Variants in NEXMIF observed in about 807,000 individuals in gnomAD.
NEXMIF encodes the protein XLMR protein related to neurite extension.
NEXMIF carries 8 observed loss-of-function variants against 62.1 expected under a neutral mutation model. That is an observed-to-expected ratio of 0.13 (90% CI 0.08 to 0.23). The LOEUF is 0.23. Ranked by LOEUF, NEXMIF falls within the 10% of genes least tolerant of loss-of-function variation. NEXMIF has a pLI of 1.00. For missense variants in NEXMIF, 976 were observed against 1,113.3 expected, an observed-to-expected ratio of 0.88 and a Z score of 1.75; for synonymous variants, 404 against 416.6, an observed-to-expected ratio of 0.97 and a Z score of 0.37.
chrX:74,885,064 T>C (rs1349597176), intron 1 of NEXMIF, among the ~76,000 whole-genome samples: 37 of 109,786 alleles, frequency 3.4e-4, no homozygotes, highest in African/African-American at 1.1e-3. Flanking sequence ...CATAATGAAA[T>C]GAAGGCAGAA....
At chrX:74,848,078 C>T (rs1361766736) in intron 1 of NEXMIF, among the ~76,000 whole-genome samples, 1 of 111,326 alleles carries the variant, frequency 9.0e-6, no homozygotes, top group Non-Finnish European at 1.9e-5. Context: ...TCTGTATTCC[C>T]ATAGACAAAA....
chrX:74,826,534 C>T (rs1456839930), intron 1 of NEXMIF, among the ~76,000 whole-genome samples: 1 of 111,807 alleles, frequency 8.9e-6, no homozygotes, highest in Non-Finnish European at 1.9e-5. Context: ...GAATGTATGG[C>T]TTACACATAT....
chrX:74,743,381 G>A lies in NEXMIF; in HGVS notation c.1176C>T (p.Asp392=). 1 of 1,211,058 alleles carries A rather than the reference G, an allele frequency of 8.3e-7. No homozygotes were observed. The highest frequency in any genetic ancestry group is 1.1e-6 in the Non-Finnish European group (1 of 895,361). ...TTCCATCTTTCTTCTCTACACCTTT[G>A]TCTTCCTGTCCTTCCTCTTTGCCTT... ...KKKGKEEGQE[D]KGVEKKDGKD... Residue 392 remains aspartate, a synonymous_variant, in exon 3 of 4, where the codon GAC becomes GAT. Coordinates refer to ENST00000055682, the MANE Select transcript of NEXMIF (RefSeq NM_001008537.3).
chrX:74,878,510 T>C (rs868548240), intron 1 of NEXMIF, among the ~76,000 whole-genome samples: 1 of 112,480 alleles, frequency 8.9e-6, no homozygotes, highest in Non-Finnish European at 1.9e-5. Context: ...GCTGTGGTGG[T>C]CTCCACCCAG....
intron 1 of NEXMIF, among the ~76,000 whole-genome samples, chrX:74,800,377 T>G (rs1173737685): frequency 8.9e-6 from 1 of 111,867 alleles, no homozygotes; most frequent in Non-Finnish European, 1.9e-5. Context: ...CTACTAGCTT[T>G]TTTTTTTATA....
intron 1 of NEXMIF, among the ~76,000 whole-genome samples, chrX:74,876,661 G>A (rs2080635635): frequency 2.0e-5 from 2 of 101,532 alleles, no homozygotes; most frequent in Non-Finnish European, 4.0e-5. Context: ...CTTGCTTTAT[G>A]AATCTGGGTG....
chrX:74,854,183 T>C (rs371113503), intron 1 of NEXMIF, among the ~76,000 whole-genome samples: 1 of 111,759 alleles, frequency 8.9e-6, no homozygotes, highest in East Asian at 2.8e-4. Flanking sequence ...CTTAACTACA[T>C]ACTAGCAAAT....
chrX:74,894,149 T>A (rs1273283414), intron 1 of NEXMIF, among the ~76,000 whole-genome samples: 4 of 106,817 alleles, frequency 3.7e-5, no homozygotes, highest in Non-Finnish European at 7.7e-5. Context: ...AAAAAAAAAA[T>A]ATATCTGGGC....
chrX:74,883,933 C>A (rs1167963468), intron 1 of NEXMIF, among the ~76,000 whole-genome samples: 1 of 112,456 alleles, frequency 8.9e-6, no homozygotes, highest in Non-Finnish European at 1.9e-5. Context: ...GCCCATCAGA[C>A]TAACAGCGGA....
In NEXMIF at chrX:74,835,340, T is replaced by C. The variant is rs1332232160; in HGVS notation, c.-48+89543A>G. ...TAGTTCGTTTGATGAGCTCATGTTT[T>C]CCTGGATGATCTTGCTGCTTGTAGA... On this transcript the variant is annotated intron_variant, in intron 1 of 3. Coordinates refer to ENST00000055682, the MANE Select transcript of NEXMIF (RefSeq NM_001008537.3). Among the ~76,000 whole-genome samples, 5 of 111,631 alleles carry C rather than the reference T, an allele frequency of 4.5e-5. No homozygotes were observed. In the East Asian group the frequency reaches 1.1e-3, roughly 25 times the overall value.
At position 74,738,839 on chromosome X, in the gene NEXMIF, T is replaced by TAA. The variant is rs1403861113; in HGVS notation, c.*565_*566insTT. On this transcript the variant is annotated 3_prime_UTR_variant, in exon 4 of 4. Transcript: ENST00000055682. ...TTAAAAGAACGTGTGTGTGTGTATA[T>TAA]ATATATATACATATATATACACACA... The TAA allele has an allele frequency of 3.7e-5, 4 of 108,070 alleles. No homozygotes were observed. The highest frequency in any genetic ancestry group is 1.4e-4 in the African/African-American group (4 of 29,395). The allele number at this position is 108,070 out of a possible 1,213,427, so 8.9% of individuals were successfully genotyped here. A position where few individuals can be genotyped will look rare whatever the true frequency, so the allele number is the denominator to read the frequency against.
intron 1 of NEXMIF, among the ~76,000 whole-genome samples, chrX:74,832,660 G>A (rs1277758519): frequency 7.2e-5 from 8 of 111,172 alleles, no homozygotes; most frequent in Non-Finnish European, 1.5e-4. Context: ...TTCTAATTCT[G>A]GGTTTGGTTT....
At position 74,737,648 on chromosome X, in the gene NEXMIF, T is replaced by C. The variant is rs1458096296; in HGVS notation, c.*1757A>G. ...ATGGACCGGGAAGTGTATATACTTA[T>C]ATACATGACAGGCTTCCTTCCATTT... On this transcript the variant is annotated 3_prime_UTR_variant, in exon 4 of 4. Coordinates refer to ENST00000055682, the MANE Select transcript of NEXMIF (RefSeq NM_001008537.3). 2.7e-5 allele frequency: 3 copies of C among 111,784 alleles called. No homozygotes were observed. Among genetic ancestry groups the C allele is most frequent in the South Asian group, 3.8e-4 (1 of 2,610 alleles). The allele number at this position is 111,784 out of a possible 1,213,427, so 9.2% of individuals were successfully genotyped here.
rs759562165 is a variant in NEXMIF, at chrX:74,741,866, G to A, written c.2691C>T (p.Thr897=). 8.3e-7 allele frequency: 1 copy of A among 1,211,678 alleles called. No homozygotes were observed. Among genetic ancestry groups the A allele is most frequent in the Non-Finnish European group, 1.1e-6 (1 of 895,344 alleles). Residue 897 remains threonine (T), a synonymous_variant, in exon 3 of 4, where the codon ACC becomes ACT. Transcript: ENST00000055682. ...TTGAGACTTCAGCCATGAATTCCTG[G>A]GTGCCAGAAGTAGCCTTGTTGGGCC... is the stretch of plus-strand genomic sequence containing the variant. ...NVWPNKATSG[T]QEFMAEVSRE...
intron 1 of NEXMIF, among the ~76,000 whole-genome samples, chrX:74,803,812 A>T (rs762779026): frequency 1.1e-4 from 12 of 110,689 alleles, no homozygotes; most frequent in Non-Finnish European, 1.9e-4. Context: ...ATCTGGTGAA[A>T]ATATCCTTCA....
At chrX:74,858,555 T>C (rs917866601) in intron 1 of NEXMIF, among the ~76,000 whole-genome samples, 1 of 111,109 alleles carries the variant, frequency 9.0e-6, no homozygotes, top group African/African-American at 3.3e-5. Context: ...GAAGGATGGG[T>C]ACAAATAAAC....
chrX:74,885,136 C>T (rs1301130286), intron 1 of NEXMIF, among the ~76,000 whole-genome samples: 1 of 110,534 alleles, frequency 9.0e-6, no homozygotes, highest in Non-Finnish European at 1.9e-5. Flanking sequence ...CTCTGGGACA[C>T]ATTCAAAGCA....
intron 1 of NEXMIF, among the ~76,000 whole-genome samples, chrX:74,817,591 C>A (rs1180535759): frequency 1.8e-5 from 2 of 111,863 alleles, no homozygotes; most frequent in African/African-American, 3.2e-5. Context: ...CATCCCATTC[C>A]ATTGCTCACC....
intron 1 of NEXMIF, among the ~76,000 whole-genome samples, chrX:74,908,038 T>C (rs2080774971): frequency 9.0e-6 from 1 of 111,029 alleles, no homozygotes; most frequent in African/African-American, 3.3e-5. Flanking sequence ...CCTTATACCA[T>C]GTGACACCTG....
Sources: gnomAD v4.1 joint callset for allele counts (sites outside exome capture counted in the v4.1 genomes callset) on GRCh38, gnomAD v4.1.1 for gene constraint, MANE v1.5 for transcripts, NCBI Gene and HGNC (gene_info 2026-07-23, HGNC 2026-07-21) for gene names.